Variants in FMNL2 observed in about 807,000 individuals in gnomAD.
The protein encoded by FMNL2 is formin-like protein 2.
FMNL2 carries 51 observed loss-of-function variants against 130.2 expected under a neutral mutation model. That is an observed-to-expected ratio of 0.39 (90% CI 0.31 to 0.49). The LOEUF is 0.49. FMNL2 is among the 20% of genes least tolerant of loss of function. FMNL2 has a pLI of 0.85. For synonymous variants in FMNL2, 465 were observed against 467.1 expected, an observed-to-expected ratio of 1.00 and a Z score of 0.06; for missense variants, 977 against 1,316.2, an observed-to-expected ratio of 0.74 and a Z score of 3.99.
Position 152,345,156 on chromosome 2 carries a change from G to A in FMNL2, c.117+9436G>A, listed in dbSNP as rs144343819. Reference sequence around the variant, plus strand: ...AAATCAATCTTATAAGGAACTGTAGGTAGTTGATTTATGACTAGATAAAAC... The same window carrying A: ...AAATCAATCTTATAAGGAACTGTAGATAGTTGATTTATGACTAGATAAAAC... On this transcript the variant is annotated intron_variant, in intron 1 of 25. Transcript: ENST00000288670. Among the ~76,000 whole-genome samples, 61 of 152,264 alleles carry A rather than the reference G, an allele frequency of 4.0e-4. No homozygotes were observed. In the East Asian group the frequency reaches 0.01, roughly 26 times the overall value.
At chr2:152,370,969 G>C (rs1683842236) in intron 1 of FMNL2, among the ~76,000 whole-genome samples, 1 of 152,196 alleles carries the variant, frequency 6.6e-6, no homozygotes, top group African/African-American at 2.4e-5. Flanking sequence ...CGCTGATGTA[G>C]TTGGTAAGTT....
chr2:152,400,955 G>A (rs936698750), intron 1 of FMNL2, among the ~76,000 whole-genome samples: 8 of 152,212 alleles, frequency 5.3e-5, no homozygotes, highest in African/African-American at 1.9e-4. Flanking sequence ...GGAGGCAGGC[G>A]ATGCCAGCAA....
chr2:152,432,678 A>G (rs1687560288), intron 1 of FMNL2, among the ~76,000 whole-genome samples: 2 of 152,170 alleles, frequency 1.3e-5, no homozygotes, highest in African/African-American at 2.4e-5. Flanking sequence ...AAATAAACTC[A>G]AGTCTTTGGA....
chr2:152,586,096 G>A lies in FMNL2; in HGVS notation c.876+5047G>A, dbSNP rs1184945453. On this transcript the variant is annotated intron_variant, in intron 9 of 25. Transcript: ENST00000288670. Reference sequence around the variant, plus strand: ...GCACCTGGAATTCATCAGGATTTCGGATCAATTATAACTGTATTCTCATCT... The same window carrying A: ...GCACCTGGAATTCATCAGGATTTCGAATCAATTATAACTGTATTCTCATCT... Among the ~76,000 whole-genome samples the A allele has an allele frequency of 2.6e-5, 4 of 152,058 alleles. No homozygotes were observed. The South Asian group carries it at 8.3e-4, about 32-fold the overall frequency.
At chr2:152,498,613 A>C in intron 1 of FMNL2, among the ~76,000 whole-genome samples, 1 of 152,170 alleles carries the variant, frequency 6.6e-6, no homozygotes, top group East Asian at 1.9e-4. Flanking sequence ...TGTTGTCACA[A>C]CATATAATAT....
At chr2:152,427,044 C>T (rs1325614072) in intron 1 of FMNL2, among the ~76,000 whole-genome samples, 1 of 152,184 alleles carries the variant, frequency 6.6e-6, no homozygotes, top group East Asian at 1.9e-4. Flanking sequence ...AATCCTCTTC[C>T]AACTCCTCGT....
At chr2:152,581,974 A>G (rs1410604630) in intron 9 of FMNL2, among the ~76,000 whole-genome samples, 1 of 152,252 alleles carries the variant, frequency 6.6e-6, no homozygotes, top group African/African-American at 2.4e-5. Context: ...AGAAACTCTG[A>G]TAGTATTTAT....
In FMNL2 at chr2:152,628,351, C is replaced by T; in HGVS notation, c.2218C>T (p.Leu740=). The T allele has an allele frequency of 6.2e-7, 1 of 1,614,044 alleles. No homozygotes were observed. Among genetic ancestry groups the T allele is most frequent in the East Asian group, 2.2e-5 (1 of 44,894 alleles). Residue 740 remains leucine, a synonymous_variant, in exon 18 of 26, where the codon CTA becomes TTA. Coordinates refer to ENST00000288670, the MANE Select transcript of FMNL2 (RefSeq NM_052905.4). ...VDFVECLMRF[L]PTENEVKVLR... is the part of the protein sequence containing the mutation. ...CTTTGTGGAATGCTTGATGCGGTTC[C>T]TACCAACTGAGAATGAAGTGAAAGT...
In FMNL2 at chr2:152,583,955, C is replaced by T. The variant is rs142827321; in HGVS notation, c.876+2906C>T. On this transcript the variant is annotated intron_variant, in intron 9 of 25. Transcript: ENST00000288670. The stretch of plus-strand genomic sequence containing the variant: ...TGAAGACAAGGTAGCAACATGCCCC[C>T]GACAAACTTAGTTGTTATAGATAGG... 4.7e-4 allele frequency among the ~76,000 whole-genome samples: 71 copies of T among 152,268 alleles called. No individual in the cohort carries two copies. The East Asian group carries it at 0.013, about 27-fold the overall frequency.
intron 3 of FMNL2, 135 bp from the exon 4 acceptor site, chr2:152,548,886 T>C: frequency 1.5e-6 from 1 of 685,986 alleles, no homozygotes; most frequent in Non-Finnish European, 2.4e-6. Context: ...TTGTGTGCTC[T>C]GCAACAAAAA....
chr2:152,616,615 G>A (rs567318025), intron 12 of FMNL2, among the ~76,000 whole-genome samples: 1 of 151,968 alleles, frequency 6.6e-6, no homozygotes, highest in Non-Finnish European at 1.5e-5. Context: ...TACAGGCGTG[G>A]CAACCAACTT....
intron 1 of FMNL2, among the ~76,000 whole-genome samples, chr2:152,412,447 TATATATATATATATATA>T (rs1426798820): frequency 2.4e-4 from 2 of 8,264 alleles, no homozygotes; most frequent in Admixed American, 1.0e-3. Context: ...CTGTATATTT[TATATATATATATATATA>T]TATATATATA....
intron 7 of FMNL2, among the ~76,000 whole-genome samples, chr2:152,576,765 A>G (rs1218356772): frequency 6.6e-6 from 1 of 152,188 alleles, no homozygotes; most frequent in East Asian, 1.9e-4. Flanking sequence ...GAGGGATATT[A>G]GGGGAAGAAG....
chr2:152,537,184 C>A (rs1694037430), intron 2 of FMNL2, among the ~76,000 whole-genome samples: 1 of 152,208 alleles, frequency 6.6e-6, no homozygotes, highest in Admixed American at 6.5e-5. Flanking sequence ...CTGATGAATT[C>A]TGTTTGCTGT....
At chr2:152,388,698 T>C (rs1684929412) in intron 1 of FMNL2, among the ~76,000 whole-genome samples, 2 of 152,240 alleles carry the variant, frequency 1.3e-5, no homozygotes, top group African/African-American at 4.8e-5. Flanking sequence ...ATTCTTCTTT[T>C]AATTGGTGAT....
intron 13 of FMNL2, among the ~76,000 whole-genome samples, chr2:152,618,082 C>T (rs1173659042): frequency 6.6e-6 from 1 of 152,168 alleles, no homozygotes; most frequent in Admixed American, 6.5e-5. Flanking sequence ...ATCGCTTGTA[C>T]AAGGCCCAGC....
intron 6 of FMNL2, among the ~76,000 whole-genome samples, chr2:152,564,432 C>G (rs888949173): frequency 1.3e-5 from 2 of 152,076 alleles, no homozygotes; most frequent in Non-Finnish European, 2.9e-5. Flanking sequence ...ATGAAAAACA[C>G]TGTGTTCAGC....
At chr2:152,552,570 A>G (rs1386556009) in intron 4 of FMNL2, among the ~76,000 whole-genome samples, 1 of 152,014 alleles carries the variant, frequency 6.6e-6, no homozygotes, top group African/African-American at 2.4e-5. Context: ...CTAAAACTCT[A>G]TAAATGGAAC....
At chr2:152,577,543 A>G (rs1696544206) in intron 7 of FMNL2, among the ~76,000 whole-genome samples, 1 of 152,172 alleles carries the variant, frequency 6.6e-6, no homozygotes, top group Non-Finnish European at 1.5e-5. Flanking sequence ...CTGAGAAGTA[A>G]AGAAGTCCAA....
Sources: gnomAD v4.1 joint callset for allele counts (sites outside exome capture counted in the v4.1 genomes callset) on GRCh38, gnomAD v4.1.1 for gene constraint, MANE v1.5 for transcripts, NCBI Gene and HGNC (gene_info 2026-07-23, HGNC 2026-07-21) for gene names.